Variants in VIT observed in about 807,000 individuals in gnomAD.
VIT encodes the protein vitrin.
Under a neutral mutation model 78.0 loss-of-function variants are expected in VIT, and 99 were observed. That is an observed-to-expected ratio of 1.27 (90% CI 1.08 to 1.50). The LOEUF (loss-of-function observed/expected upper bound fraction) is 1.50. VIT is among the 40% of genes most tolerant of loss of function. The probability of loss-of-function intolerance (pLI) is 0.00; values close to 1 mark genes in which losing one functional copy is unlikely to be tolerated. For missense variants in VIT, 1,126 were observed against 875.3 expected (o/e 1.29, Z -3.61); for synonymous variants, 374 against 334.3 (o/e 1.12, Z -1.29).
rs771188319 is a variant in VIT, at chr2:36,801,380, C to T, written c.1138C>T (p.Gln380Ter). 6.2e-7 allele frequency: 1 copy of T among 1,613,754 alleles called. No individual in the cohort carries two copies. Among genetic ancestry groups the T allele is most frequent in the Admixed American group, 1.7e-5 (1 of 60,020 alleles). ...DLKTAIEKIT[Q>*]RGGLSNVGRA... is the part of the protein sequence containing the mutation. ...GAAGACAGCCATAGAGAAAATTACT[C>T]AGAGAGGAGGACTTTCTAATGTAGG... Residue 380 changes from glutamine to a stop codon, truncating the protein, a stop_gained, in exon 13 of 16, where the codon CAG (glutamine) becomes TAG (stop). Transcript: ENST00000379242. LOFTEE classifies it high-confidence loss of function.
chr2:36,727,930 T>C (rs1300570519), intron 2 of VIT, among the ~76,000 whole-genome samples: 2 of 152,150 alleles, frequency 1.3e-5, no homozygotes, highest in African/African-American at 4.8e-5. Flanking sequence ...TGCTGGCGTG[T>C]GTGTTTTCTT....
chr2:36,712,341 G>A (rs939921271), intron 1 of VIT, among the ~76,000 whole-genome samples: 2 of 152,078 alleles, frequency 1.3e-5, no homozygotes, highest in African/African-American at 4.8e-5. Context: ...AGCAACTCCC[G>A]GAATCCCGTT....
chr2:36,767,053 G>C, intron 6 of VIT, 41 bp from the exon 7 acceptor site: 1 of 1,529,904 alleles, frequency 6.5e-7, no homozygotes, highest in Non-Finnish European at 8.8e-7. Flanking sequence ...AGAGTGTACA[G>C]GTTATTTTGT....
chr2:36,761,246 G>A (rs943798542), intron 6 of VIT, among the ~76,000 whole-genome samples: 10 of 152,280 alleles, frequency 6.6e-5, no homozygotes, highest in Admixed American at 2.0e-4. Flanking sequence ...GCTTGGGTAC[G>A]ACAAAGTGTG....
intron 3 of VIT, among the ~76,000 whole-genome samples, chr2:36,737,315 G>A (rs902452604): frequency 3.9e-5 from 6 of 152,150 alleles, no homozygotes; most frequent in African/African-American, 1.4e-4. Flanking sequence ...GCAGCTGGAA[G>A]GTGGATTAGG....
intron 15 of VIT, among the ~76,000 whole-genome samples, chr2:36,813,076 G>A (rs1049167021): frequency 6.8e-6 from 1 of 148,042 alleles, no homozygotes; most frequent in African/African-American, 2.5e-5. Flanking sequence ...TTGTGACCTC[G>A]TGATCCACCC....
intron 13 of VIT, among the ~76,000 whole-genome samples, chr2:36,804,551 G>T (rs955673767): frequency 1.3e-5 from 2 of 152,206 alleles, no homozygotes; most frequent in African/African-American, 4.8e-5. Context: ...AAAGTCTTTG[G>T]CCAGGCACGG....
chr2:36,773,279 T>C (rs1019465547), intron 7 of VIT, among the ~76,000 whole-genome samples: 1 of 152,182 alleles, frequency 6.6e-6, no homozygotes, highest in African/African-American at 2.4e-5. Flanking sequence ...CAAAGGTTAT[T>C]ATTACCTGTA....
intron 2 of VIT, among the ~76,000 whole-genome samples, chr2:36,721,515 T>TA (rs1558513967): frequency 6.6e-6 from 1 of 152,112 alleles, no homozygotes; most frequent in Non-Finnish European, 1.5e-5. Flanking sequence ...ACCATACCCC[T>TA]ATTAATCTCT....
At chr2:36,762,979 T>C (rs1488594236) in intron 6 of VIT, among the ~76,000 whole-genome samples, 1 of 151,994 alleles carries the variant, frequency 6.6e-6, no homozygotes, top group East Asian at 1.9e-4. Context: ...TTGAGCTAAA[T>C]AAAAACAGGG....
intron 3 of VIT, among the ~76,000 whole-genome samples, chr2:36,733,342 C>CT (rs551369262): frequency 7.3e-4 from 110 of 150,716 alleles, no homozygotes; most frequent in African/African-American, 2.5e-3. Flanking sequence ...GTCTCTCTCT[C>CT]TCCCCCCCTC....
intron 5 of VIT, among the ~76,000 whole-genome samples, chr2:36,755,955 A>ATTTTTTT (rs58344336): frequency 0.29 from 31,557 of 107,648 alleles, 5,576 homozygotes; most frequent in Non-Finnish European, 0.38. Context: ...ACAACACAGT[A>ATTTTTTT]TTTTTTTTTT....
At chr2:36,784,732 C>G (rs1293973377) in intron 11 of VIT, among the ~76,000 whole-genome samples, 1 of 152,238 alleles carries the variant, frequency 6.6e-6, no homozygotes, top group Non-Finnish European at 1.5e-5. Flanking sequence ...AACCTCTGAT[C>G]TCTTCTTTAG....
intron 14 of VIT, among the ~76,000 whole-genome samples, chr2:36,807,065 A>G (rs1666782888): frequency 6.6e-6 from 1 of 151,964 alleles, no homozygotes. Context: ...ACTCCTCATC[A>G]GCTCCCACAT....
chr2:36,757,103 CAGCATA>C (rs1344748087), intron 5 of VIT, among the ~76,000 whole-genome samples: 7 of 152,192 alleles, frequency 4.6e-5, no homozygotes, highest in African/African-American at 1.7e-4. Context: ...GAGCTCACTG[CAGCATA>C]AGCATTGATA....
intron 12 of VIT, among the ~76,000 whole-genome samples, chr2:36,796,829 C>T (rs1326153109): frequency 6.6e-6 from 1 of 151,984 alleles, no homozygotes; most frequent in African/African-American, 2.4e-5. Flanking sequence ...CGATGAGCAA[C>T]GTTTAATTTA....
chr2:36,743,880 G>A (rs1189387373), intron 4 of VIT, among the ~76,000 whole-genome samples: 1 of 152,006 alleles, frequency 6.6e-6, no homozygotes, highest in Non-Finnish European at 1.5e-5. Context: ...ACATGATGCT[G>A]GGGTTTGGAG....
intron 6 of VIT, among the ~76,000 whole-genome samples, chr2:36,766,468 C>T (rs2148583541): frequency 6.6e-6 from 1 of 152,234 alleles, no homozygotes; most frequent in South Asian, 2.1e-4. Flanking sequence ...AAGTTCGAGG[C>T]TGCAGTGAGC....
intron 3 of VIT, among the ~76,000 whole-genome samples, chr2:36,741,510 A>G (rs1220416523): frequency 6.6e-6 from 1 of 152,146 alleles, no homozygotes; most frequent in African/African-American, 2.4e-5. Context: ...AAAAGAGCAT[A>G]AAACTTCAGT....
Sources: allele counts gnomAD v4.1 joint callset (sites outside exome capture counted in the v4.1 genomes callset), GRCh38; gene constraint gnomAD v4.1.1; transcripts MANE v1.5; gene names NCBI Gene and HGNC (gene_info 2026-07-23, HGNC 2026-07-21).